PTPRD: variants seen among roughly 807,000 people sequenced by gnomAD.
The protein encoded by PTPRD is receptor-type tyrosine-protein phosphatase delta.
A neutral mutation model predicts 214.5 loss-of-function variants in PTPRD; 34 were observed. That is an observed-to-expected ratio of 0.16 (90% confidence interval 0.12 to 0.21). The LOEUF (loss-of-function observed/expected upper bound fraction) is 0.21, where lower values mean the gene tolerates loss of function less well. Among genes scored for constraint, PTPRD ranks in the 10% least tolerant of loss-of-function variants. The pLI is 1.00. For missense variants in PTPRD, 2,545 were observed against 2,398.7 expected, an observed-to-expected ratio of 1.06 and a Z score of -1.27; for synonymous variants, 1,128 against 845.7, an observed-to-expected ratio of 1.33 and a Z score of -5.79.
intron 35 of PTPRD, 132 bp from the exon 36 acceptor site, chr9:8,404,792 C>T (rs1405693431): frequency 8.8e-7 from 1 of 1,135,866 alleles, no homozygotes; most frequent in Non-Finnish European, 1.2e-6. Flanking sequence ...ATGATCCTAA[C>T]TGTGAAGCTG....
intron 8 of PTPRD, among the ~76,000 whole-genome samples, chr9:9,455,268 C>A (rs1403002286): frequency 6.6e-6 from 1 of 151,310 alleles, no homozygotes; most frequent in Non-Finnish European, 1.5e-5. Context: ...TAATTAGGCA[C>A]CTTGCCTCAT....
At chr9:8,891,299 A>T (rs1030361853) in intron 11 of PTPRD, among the ~76,000 whole-genome samples, 43 of 151,726 alleles carry the variant, frequency 2.8e-4, no homozygotes, top group African/African-American at 9.4e-4. Context: ...ACGCCTGGCT[A>T]ATTTTTGTAT....
Position 8,501,022 on chromosome 9 carries a change from G to T in PTPRD, c.1860C>A (p.Ser620Arg), listed in dbSNP as rs1212781475. The change falls in exon 24 of 46, where the codon AGC becomes AGA. Residue 620 changes from serine to arginine, a missense_variant. Transcript: ENST00000381196. ...SAPPQDISCT[S>R]PSSTSILVSW... ...TTACCAAAATACTAGTGGAACTTGG[G>T]CTGGTGCAACTAATGTCTTGAGGAG... The T allele has an allele frequency of 6.2e-7, 1 of 1,613,912 alleles. No homozygotes were observed. Among genetic ancestry groups the T allele is most frequent in the Non-Finnish European group, 8.5e-7 (1 of 1,179,930 alleles).
At chr9:9,548,148 T>C (rs1330749878) in intron 8 of PTPRD, among the ~76,000 whole-genome samples, 1 of 151,868 alleles carries the variant, frequency 6.6e-6, no homozygotes, top group East Asian at 1.9e-4. Flanking sequence ...AGAAAATTCT[T>C]CAAGTTAAAT....
intron 7 of PTPRD, among the ~76,000 whole-genome samples, chr9:9,696,634 T>G (rs979950577): frequency 3.9e-5 from 6 of 152,182 alleles, no homozygotes; most frequent in African/African-American, 1.4e-4. Flanking sequence ...CTTGCTTTTT[T>G]GTTTCCATTT....
At chr9:10,102,182 A>G (rs990499240) in intron 3 of PTPRD, among the ~76,000 whole-genome samples, 1 of 151,684 alleles carries the variant, frequency 6.6e-6, no homozygotes, top group East Asian at 1.9e-4. Flanking sequence ...TTCATGCCTT[A>G]TAAAATCACT....
chr9:8,485,187 C>A, intron 29 of PTPRD, 40 bp downstream of exon 29: 4 of 1,567,198 alleles, frequency 2.6e-6, no homozygotes, highest in Non-Finnish European at 3.5e-6. Flanking sequence ...GTCCCCTCTA[C>A]TTTTATCTGT....
At chr9:10,360,306 A>G (rs926355390) in intron 2 of PTPRD, among the ~76,000 whole-genome samples, 3 of 152,244 alleles carry the variant, frequency 2.0e-5, no homozygotes, top group African/African-American at 7.2e-5. Context: ...AAAATTTAGA[A>G]AGGGTATTTT....
chr9:10,408,558 G>A (rs1374211818), intron 2 of PTPRD, among the ~76,000 whole-genome samples: 1 of 151,602 alleles, frequency 6.6e-6, no homozygotes, highest in Non-Finnish European at 1.5e-5. Context: ...TATCACCCCT[G>A]CTTAATCTAA....
chr9:9,064,067 T>G (rs1207305168), intron 10 of PTPRD, among the ~76,000 whole-genome samples: 3 of 152,190 alleles, frequency 2.0e-5, no homozygotes, highest in African/African-American at 7.2e-5. Context: ...ATCAGTTTCA[T>G]ATTGTGCTAA....
intron 11 of PTPRD, among the ~76,000 whole-genome samples, chr9:8,898,729 C>T (rs2098640788): frequency 6.6e-6 from 1 of 151,992 alleles, no homozygotes; most frequent in Admixed American, 6.6e-5. Flanking sequence ...CCACTGATGA[C>T]AAATATTGTT....
chr9:10,221,075 G>A (rs184602291), intron 3 of PTPRD, among the ~76,000 whole-genome samples: 43 of 152,072 alleles, frequency 2.8e-4, no homozygotes, highest in African/African-American at 1.0e-3. Flanking sequence ...CCTCCATACA[G>A]TTTCAAGCCT....
intron 3 of PTPRD, among the ~76,000 whole-genome samples, chr9:10,035,380 T>G (rs2097161608): frequency 1.3e-5 from 2 of 152,142 alleles, no homozygotes; most frequent in African/African-American, 4.8e-5. Context: ...TCTCCCATTC[T>G]GTAAGTCGTC....
chr9:10,606,300 G>A (rs972797799), intron 2 of PTPRD, among the ~76,000 whole-genome samples: 6 of 151,760 alleles, frequency 4.0e-5, no homozygotes, highest in Non-Finnish European at 8.8e-5. Context: ...TGTCTCTAGC[G>A]TGAGATTAAT....
chr9:9,839,702 CT>C lies in PTPRD; in HGVS notation c.-367-72852del, dbSNP rs2057801707. Among the ~76,000 whole-genome samples the C allele has an allele frequency of 3.3e-5, 5 of 152,254 alleles. No homozygotes were observed. The South Asian group carries it at 1.0e-3, about 32-fold the overall frequency. On this transcript the variant is annotated intron_variant, in intron 5 of 45. Coordinates refer to ENST00000381196, the MANE Select transcript of PTPRD (RefSeq NM_002839.4). ...TTCTTCACAGAATTGGAAAAAACGA[CT>C]TTAAAGTTCGTATGGAACCAAAAAA... is the stretch of plus-strand genomic sequence containing the variant.
chr9:9,887,541 GAAC>G (rs1489216252), intron 5 of PTPRD, among the ~76,000 whole-genome samples: 2 of 152,128 alleles, frequency 1.3e-5, no homozygotes, highest in East Asian at 3.9e-4. Context: ...TCAAGGGGCA[GAAC>G]AACATTAGAT....
At chr9:9,805,235 A>C (rs1380929722) in intron 5 of PTPRD, among the ~76,000 whole-genome samples, 1 of 152,166 alleles carries the variant, frequency 6.6e-6, no homozygotes, top group Non-Finnish European at 1.5e-5. Context: ...ACAATGACCT[A>C]GTAGTATGAG....
intron 11 of PTPRD, among the ~76,000 whole-genome samples, chr9:8,747,302 T>C (rs1055403888): frequency 1.3e-5 from 2 of 152,090 alleles, no homozygotes; most frequent in African/African-American, 4.8e-5. Context: ...AAAGGATAAA[T>C]ATATATACAG....
At chr9:9,960,903 T>A (rs998378104) in intron 4 of PTPRD, among the ~76,000 whole-genome samples, 2 of 151,942 alleles carry the variant, frequency 1.3e-5, no homozygotes, top group African/African-American at 4.8e-5. Flanking sequence ...ATTTTTGCAA[T>A]CTACTCATCT....
Sources: gnomAD v4.1 joint callset for allele counts (sites outside exome capture counted in the v4.1 genomes callset) on GRCh38, gnomAD v4.1.1 for gene constraint, MANE v1.5 for transcripts, NCBI Gene and HGNC (gene_info 2026-07-23, HGNC 2026-07-21) for gene names.